DMRT1: variants seen among roughly 807,000 people sequenced by gnomAD.
DMRT1 encodes doublesex- and mab-3-related transcription factor 1.
Under a neutral mutation model 32.3 loss-of-function variants are expected in DMRT1, and 7 were observed. The ratio of observed to expected loss-of-function variants is 0.22; its 90% CI spans 0.12 to 0.41. DMRT1 has a LOEUF of 0.41. DMRT1 is among the 10% of genes least tolerant of loss of function. DMRT1 has a pLI of 1.00. For missense variants in DMRT1, 625 were observed against 500.5 expected, an observed-to-expected ratio of 1.25 and a Z score of -2.37; for synonymous variants, 278 against 206.1, an observed-to-expected ratio of 1.35 and a Z score of -2.99.
At chr9:857,953 A>C (rs1167512840) in intron 2 of DMRT1, among the ~76,000 whole-genome samples, 6 of 152,000 alleles carry the variant, frequency 3.9e-5, no homozygotes, top group Non-Finnish European at 4.4e-5. Flanking sequence ...AAAGGACATG[A>C]ACTCATCCTT....
chr9:911,863 C>T (rs1389330997), intron 3 of DMRT1, among the ~76,000 whole-genome samples: 1 of 152,152 alleles, frequency 6.6e-6, no homozygotes, highest in Non-Finnish European at 1.5e-5. Context: ...CTGTCCTTTT[C>T]TTCTTATGAG....
At chr9:919,219 AC>A (rs1296382681) in intron 4 of DMRT1, among the ~76,000 whole-genome samples, 1 of 152,212 alleles carries the variant, frequency 6.6e-6, no homozygotes, top group Non-Finnish European at 1.5e-5. Context: ...AACTTGAAAG[AC>A]AGTGTTTTCA....
At chr9:960,947 G>A (rs1819752442) in intron 4 of DMRT1, among the ~76,000 whole-genome samples, 1 of 152,198 alleles carries the variant, frequency 6.6e-6, no homozygotes, top group Non-Finnish European at 1.5e-5. Context: ...GTGCTGAGAT[G>A]TGGTTGTCAC....
At chr9:846,827 G>A (rs1339051819) in intron 1 of DMRT1, 133 bp from the exon 2 acceptor site, 2 of 1,156,468 alleles carry the variant, frequency 1.7e-6, no homozygotes, top group Admixed American at 3.4e-5. Context: ...GTGGGTTTAA[G>A]AAGAAATGGG....
At chr9:854,571 A>G (rs1375413529) in intron 2 of DMRT1, among the ~76,000 whole-genome samples, 1 of 152,202 alleles carries the variant, frequency 6.6e-6, no homozygotes, top group East Asian at 1.9e-4. Flanking sequence ...AAAGCGTTTT[A>G]TACAAATTGG....
intron 2 of DMRT1, among the ~76,000 whole-genome samples, chr9:866,527 ACT>A (rs33910789): frequency 0.8 from 122,025 of 151,848 alleles, 49,505 homozygotes; most frequent in Admixed American, 0.88. Flanking sequence ...TCTTGAAAAC[ACT>A]CTCAAAACTT....
chr9:909,411 C>T (rs1040820827), intron 3 of DMRT1, among the ~76,000 whole-genome samples: 1 of 152,046 alleles, frequency 6.6e-6, no homozygotes, highest in Non-Finnish European at 1.5e-5. Context: ...AAGCCCTTTG[C>T]GTAGGTGAAG....
chr9:858,136 CT>C (rs1815484307), intron 2 of DMRT1, among the ~76,000 whole-genome samples: 2 of 152,162 alleles, frequency 1.3e-5, no homozygotes, highest in African/African-American at 4.8e-5. Flanking sequence ...TGGAAAACCA[CT>C]GTCACTCTTC....
intron 4 of DMRT1, among the ~76,000 whole-genome samples, chr9:953,403 C>T (rs1266482914): frequency 1.3e-5 from 2 of 152,202 alleles, no homozygotes; most frequent in Non-Finnish European, 2.9e-5. Context: ...CGAGCTGCCT[C>T]ATTAACTCGC....
chr9:942,418 C>T (rs1819105862), intron 4 of DMRT1, among the ~76,000 whole-genome samples: 2 of 152,060 alleles, frequency 1.3e-5, no homozygotes, highest in South Asian at 2.1e-4. Context: ...GGACTACAGG[C>T]GCGTGCCACC....
intron 4 of DMRT1, among the ~76,000 whole-genome samples, chr9:932,713 A>G (rs576685186): frequency 9.2e-5 from 14 of 152,154 alleles, no homozygotes; most frequent in African/African-American, 3.1e-4. Context: ...GGTTATCCAC[A>G]TTTCTACCCA....
At chr9:935,914 G>A (rs1203585262) in intron 4 of DMRT1, among the ~76,000 whole-genome samples, 1 of 152,178 alleles carries the variant, frequency 6.6e-6, no homozygotes, top group African/African-American at 2.4e-5. Flanking sequence ...AGGAAATTCT[G>A]TGTATTGTTA....
intron 2 of DMRT1, among the ~76,000 whole-genome samples, chr9:847,968 G>T (rs12002282): frequency 2.4e-4 from 37 of 152,216 alleles, no homozygotes; most frequent in African/African-American, 8.0e-4. Context: ...CTCTTAGAAA[G>T]TCTAATTCGA....
chr9:899,168 C>A (rs534981857), intron 3 of DMRT1, among the ~76,000 whole-genome samples: 2 of 149,754 alleles, frequency 1.3e-5, no homozygotes, highest in South Asian at 4.3e-4. Flanking sequence ...AATCTTTCTT[C>A]AAAAAAAATC....
chr9:872,398 C>T (rs1159680552), intron 2 of DMRT1, among the ~76,000 whole-genome samples: 2 of 152,196 alleles, frequency 1.3e-5, no homozygotes, highest in Non-Finnish European at 1.5e-5. Context: ...AATATATTCA[C>T]AGAGTTGGGT....
intron 2 of DMRT1, among the ~76,000 whole-genome samples, chr9:872,070 CT>C (rs202012614): frequency 2.0e-5 from 3 of 150,266 alleles, no homozygotes; most frequent in Admixed American, 6.6e-5. Context: ...AACTCACCAT[CT>C]TTTTTTTTGT....
intron 4 of DMRT1, among the ~76,000 whole-genome samples, chr9:951,744 A>G (rs990329048): frequency 1.3e-5 from 2 of 152,202 alleles, no homozygotes; most frequent in African/African-American, 2.4e-5. Context: ...AGACCCTGGG[A>G]GTGGACCAGG....
At chr9:900,025 TTC>T (rs1817511758) in intron 3 of DMRT1, among the ~76,000 whole-genome samples, 1 of 152,360 alleles carries the variant, frequency 6.6e-6, no homozygotes, top group South Asian at 2.1e-4. Flanking sequence ...AAGGAATGCA[TTC>T]ATGTCTTAAC....
At position 893,928 on chromosome 9, in the gene DMRT1, C is replaced by T; in HGVS notation, c.555C>T (p.Ile185=). Residue 185 remains isoleucine (I), a synonymous_variant, in exon 3 of 5, where the codon ATC becomes ATT. Transcript: ENST00000382276. ...CCAATTTAGAGGGACGTATGGTCAT[C>T]CAGGATATTCCTGCTGTCACCAGCA... ...TTAASEGRMV[I]QDIPAVTSRG... 12 of 1,614,098 alleles carry T rather than the reference C, an allele frequency of 7.4e-6. No individual in the cohort carries two copies. The highest frequency in any genetic ancestry group is 1.0e-5 in the Non-Finnish European group (12 of 1,179,984).
Sources: gnomAD v4.1 joint callset for allele counts (sites outside exome capture counted in the v4.1 genomes callset) on GRCh38, gnomAD v4.1.1 for gene constraint, MANE v1.5 for transcripts, NCBI Gene and HGNC (gene_info 2026-07-23, HGNC 2026-07-21) for gene names.